The following STPG2 variants were observed in gnomAD, a reference collection of about 807,000 sequenced individuals.
STPG2 encodes sperm tail PG-rich repeat containing 2, also known as sperm-tail PG-rich repeat-containing protein 2.
Under a neutral mutation model 54.2 loss-of-function variants are expected in STPG2, and 56 were observed. The observed-to-expected ratio is 1.03, with a 90% CI of 0.83 to 1.29. STPG2 has a LOEUF of 1.29. STPG2 is among the 50% of genes most tolerant of loss of function. STPG2 has a pLI of 0.00. For synonymous variants in STPG2, 200 were observed against 181.8 expected (o/e 1.10, Z -0.81); for missense variants, 596 against 544.9 (o/e 1.09, Z -0.93).
intron 10 of STPG2, among the ~76,000 whole-genome samples, chr4:97,580,916 G>T (rs371098248): frequency 1.3e-5 from 2 of 151,872 alleles, no homozygotes; most frequent in East Asian, 3.9e-4. Context: ...AAAAATATGC[G>T]TTCCTTTGCA....
intron 1 of STPG2, among the ~76,000 whole-genome samples, chr4:98,136,909 A>T (rs1051025273): frequency 1.3e-5 from 2 of 151,748 alleles, no homozygotes; most frequent in African/African-American, 4.8e-5. Context: ...TTTTTTAAAA[A>T]CCTTTATTCC....
Position 97,669,523 on chromosome 4 carries a change from G to A in STPG2, c.1320+43176C>T, listed in dbSNP as rs1006189271. Among the ~76,000 whole-genome samples the A allele has an allele frequency of 1.1e-3, 30 of 26,376 alleles. 13 individuals carry two copies. The Middle Eastern group carries it at 0.075, about 66-fold the overall frequency. 17.3% of individuals were successfully genotyped at this position (26,376 alleles called of 152,430 possible). A position where few individuals can be genotyped will look rare whatever the true frequency, so the allele number is the denominator to read the frequency against. Reference sequence around the variant, plus strand: ...CTTTGAAAGTTTATTGCGGCCGGGCGCGGTGGCTCACGCCTGTAATCCCAG... The same window carrying A: ...CTTTGAAAGTTTATTGCGGCCGGGCACGGTGGCTCACGCCTGTAATCCCAG... On this transcript the variant is annotated intron_variant, in intron 10 of 10. Coordinates refer to ENST00000295268, the MANE Select transcript of STPG2 (RefSeq NM_174952.3).
intron 10 of STPG2, among the ~76,000 whole-genome samples, chr4:97,605,466 T>C (rs1733569907): frequency 6.6e-6 from 1 of 151,656 alleles, no homozygotes; most frequent in South Asian, 2.1e-4. Flanking sequence ...AAAATATGAA[T>C]AGATAGATTT....
At chr4:97,556,430 A>G (rs1187595396), downstream of STPG2, among the ~76,000 whole-genome samples, 1 of 152,238 alleles carries the variant, frequency 6.6e-6, no homozygotes, top group Non-Finnish European at 1.5e-5. Context: ...ACTTCACAAT[A>G]TTAGTGCAAT....
chr4:98,085,621 A>C (rs1372954793), intron 5 of STPG2, among the ~76,000 whole-genome samples: 1 of 152,062 alleles, frequency 6.6e-6, no homozygotes, highest in Non-Finnish European at 1.5e-5. Context: ...TGATAAATGT[A>C]TTCCTAAGTA....
At chr4:97,555,971 T>C (rs1049000305), downstream of STPG2, among the ~76,000 whole-genome samples, 1 of 152,142 alleles carries the variant, frequency 6.6e-6, no homozygotes, top group African/African-American at 2.4e-5. Flanking sequence ...ACTCCATAAA[T>C]GTTTTACCAT....
chr4:97,762,563 C>T (rs1725920311), intron 9 of STPG2, among the ~76,000 whole-genome samples: 1 of 152,086 alleles, frequency 6.6e-6, no homozygotes, highest in South Asian at 2.1e-4. Context: ...TTATGGGACA[C>T]ATGTAGCTAA....
rs150708038 is a variant in STPG2, at chr4:97,981,263, C to T, written c.668G>A (p.Arg223Gln). Residue 223 changes from arginine to glutamine, a missense_variant, in exon 6 of 11, where the codon CGA becomes CAA. Transcript: ENST00000295268. Reference protein sequence around the residue: ...TPAPGTYNEPRTALKSLKKTS... With the variant: ...TPAPGTYNEPQTALKSLKKTS... ...TTTCTTCAAAGACTTGAGAGCAGTT[C>T]GAGGTTCATTATATGTGCCAGGAGC... The T allele has an allele frequency of 1.5e-5, 24 of 1,613,874 alleles. No individual in the cohort carries two copies. Among genetic ancestry groups the T allele is most frequent in the Middle Eastern group, 1.7e-4 (1 of 6,056 alleles).
At chr4:98,022,547 G>GA (rs1159094679) in intron 5 of STPG2, among the ~76,000 whole-genome samples, 1 of 151,400 alleles carries the variant, frequency 6.6e-6, no homozygotes, top group Non-Finnish European at 1.5e-5. Flanking sequence ...TGTATTTCCT[G>GA]AATCTGAATG....
intron 9 of STPG2, among the ~76,000 whole-genome samples, chr4:97,727,880 A>G (rs1724674542): frequency 6.6e-6 from 1 of 151,980 alleles, no homozygotes; most frequent in Non-Finnish European, 1.5e-5. Flanking sequence ...GCACAAATGA[A>G]AGCAGAGATA....
chr4:97,453,750 A>G (rs1356121018), intron 4 of STPG2, among the ~76,000 whole-genome samples: 1 of 152,140 alleles, frequency 6.6e-6, no homozygotes, highest in Non-Finnish European at 1.5e-5. Context: ...TGAAAACAAT[A>G]TACTGGAGTC....
At chr4:98,083,111 T>A (rs1319604543) in intron 5 of STPG2, among the ~76,000 whole-genome samples, 1 of 152,174 alleles carries the variant, frequency 6.6e-6, no homozygotes, top group Non-Finnish European at 1.5e-5. Context: ...TATCATCCTG[T>A]ACCATTCTTC....
chr4:97,598,268 T>A (rs906621933), intron 10 of STPG2, among the ~76,000 whole-genome samples: 1 of 152,128 alleles, frequency 6.6e-6, no homozygotes, highest in African/African-American at 2.4e-5. Flanking sequence ...CAGTCCATGC[T>A]TACTGATAGG....
intron 10 of STPG2, among the ~76,000 whole-genome samples, chr4:97,567,514 T>C (rs1345691967): frequency 3.3e-5 from 5 of 151,168 alleles, no homozygotes; most frequent in Non-Finnish European, 7.4e-5. Flanking sequence ...ATCCTGAACA[T>C]ATTAGGCCAA....
intron 10 of STPG2, among the ~76,000 whole-genome samples, chr4:97,585,799 C>A (rs565390069): frequency 6.6e-6 from 1 of 152,046 alleles, no homozygotes; most frequent in Non-Finnish European, 1.5e-5. Context: ...AAAAATTAAA[C>A]TGTTATTAGA....
intron 4 of STPG2, among the ~76,000 whole-genome samples, chr4:97,451,881 A>C (rs1729374313): frequency 6.6e-6 from 1 of 152,190 alleles, no homozygotes; most frequent in African/African-American, 2.4e-5. Context: ...ATGTTGAAGA[A>C]CAGAAATAGT....
intron 4 of STPG2, among the ~76,000 whole-genome samples, chr4:97,484,509 C>A (rs780834072): frequency 6.6e-6 from 1 of 151,718 alleles, no homozygotes; most frequent in Non-Finnish European, 1.5e-5. Flanking sequence ...TAGCTTAAAT[C>A]AGGAAGAATT....
intron 4 of STPG2, among the ~76,000 whole-genome samples, chr4:97,444,037 T>C (rs898375737): frequency 2.0e-5 from 3 of 152,104 alleles, no homozygotes; most frequent in Non-Finnish European, 2.9e-5. Flanking sequence ...AAATTAAGAA[T>C]GCAATAGATG....
chr4:98,082,743 C>T (rs1366557003), intron 5 of STPG2, among the ~76,000 whole-genome samples: 1 of 151,958 alleles, frequency 6.6e-6, no homozygotes, highest in South Asian at 2.1e-4. Context: ...TGAGCCACCA[C>T]GCCCGGCTGG....
Sources: gnomAD v4.1 joint callset for allele counts (sites outside exome capture counted in the v4.1 genomes callset) on GRCh38, gnomAD v4.1.1 for gene constraint, MANE v1.5 for transcripts, NCBI Gene and HGNC (gene_info 2026-07-23, HGNC 2026-07-21) for gene names.